The following SLC35D4 variants were observed in gnomAD, a reference collection of about 807,000 sequenced individuals.
SLC35D4 encodes the protein UDP-N-acetylglucosamine transporter SLC35D4.
chr18:23,364,612 A>G, the SLC35D4 span, among the ~76,000 whole-genome samples: 1 of 152,156 alleles, frequency 6.6e-6, no homozygotes, highest in Non-Finnish European at 1.5e-5. Flanking sequence ...ACATTTTAAA[A>G]ATTGACTCCT....
chr18:23,384,420 C>A, the SLC35D4 span, among the ~76,000 whole-genome samples: 2 of 152,048 alleles, frequency 1.3e-5, no homozygotes, highest in Admixed American at 6.6e-5. Flanking sequence ...CTAATTGTTC[C>A]TGATGTGCAG....
chr18:23,312,865 T>C, the SLC35D4 span, among the ~76,000 whole-genome samples: 1 of 152,136 alleles, frequency 6.6e-6, no homozygotes, highest in Non-Finnish European at 1.5e-5. Context: ...CGGTGGCTCA[T>C]GCCTGTAATC....
chr18:23,253,919 G>C, the SLC35D4 span: 1 of 1,614,144 alleles, frequency 6.2e-7, no homozygotes, highest in Middle Eastern at 1.6e-4. Context: ...AAAACACGAA[G>C]TCAAGCATTT....
the SLC35D4 span, among the ~76,000 whole-genome samples, chr18:23,353,327 G>A: frequency 2.0e-5 from 3 of 152,100 alleles, no homozygotes; most frequent in African/African-American, 4.8e-5. Flanking sequence ...ACCTTATACA[G>A]GCACTGGTGC....
the SLC35D4 span, among the ~76,000 whole-genome samples, chr18:23,307,941 C>G: frequency 6.6e-6 from 1 of 152,068 alleles, no homozygotes; most frequent in Non-Finnish European, 1.5e-5. Context: ...CCTGCCTGTC[C>G]CGGTCTGCCC....
chr18:23,354,674 C>T, the SLC35D4 span, among the ~76,000 whole-genome samples: 1 of 152,180 alleles, frequency 6.6e-6, no homozygotes, highest in Non-Finnish European at 1.5e-5. Context: ...TCCCAGACTT[C>T]CTTTCCCTCG....
chr18:23,247,979 C>T, the SLC35D4 span, among the ~76,000 whole-genome samples: 9 of 152,358 alleles, frequency 5.9e-5, no homozygotes, highest in African/African-American at 2.2e-4. Context: ...TGGATTTTTC[C>T]CCGCCTCTCT....
the SLC35D4 span, among the ~76,000 whole-genome samples, chr18:23,382,239 C>CAAAAAAAAAA: frequency 1.3e-5 from 1 of 75,694 alleles, no homozygotes; most frequent in Non-Finnish European, 2.5e-5. Flanking sequence ...GACTCAGTCT[C>CAAAAAAAAAA]AAAAAAAAAA....
At chr18:23,377,555 T>TAA in the SLC35D4 span, 42 of 1,244,738 alleles carry the variant, frequency 3.4e-5, no homozygotes, top group South Asian at 5.3e-4. Context: ...TGCCACCTCT[T>TAA]AGAGTATGAA....
At chr18:23,318,336 C>T in the SLC35D4 span, among the ~76,000 whole-genome samples, 3 of 152,076 alleles carry the variant, frequency 2.0e-5, no homozygotes, top group East Asian at 3.9e-4. Context: ...GATATGAGTC[C>T]CATATCAGAT....
At chr18:23,336,936 T>C in the SLC35D4 span, among the ~76,000 whole-genome samples, 1 of 152,102 alleles carries the variant, frequency 6.6e-6, no homozygotes, top group Non-Finnish European at 1.5e-5. Flanking sequence ...CTGTTCAGCA[T>C]AGACTTGACC....
At chr18:23,261,375 C>T in the SLC35D4 span, among the ~76,000 whole-genome samples, 1 of 152,104 alleles carries the variant, frequency 6.6e-6, no homozygotes, top group Admixed American at 6.5e-5. Flanking sequence ...GTGGCTCACA[C>T]CTGTAATCCC....
the SLC35D4 span, among the ~76,000 whole-genome samples, chr18:23,246,698 T>C: frequency 6.6e-6 from 1 of 151,532 alleles, no homozygotes; most frequent in South Asian, 2.1e-4. Context: ...GCCAGTTTTT[T>C]CGTTTTTGTT....
At chr18:23,297,964 T>C in the SLC35D4 span, 20 of 1,605,404 alleles carry the variant, frequency 1.2e-5, no homozygotes, top group African/African-American at 2.1e-4. Context: ...GTACAAGCTG[T>C]TCTCCCGCAG....
chr18:23,333,183 G>A, the SLC35D4 span, among the ~76,000 whole-genome samples: 2 of 152,238 alleles, frequency 1.3e-5, no homozygotes, highest in Admixed American at 6.5e-5. Flanking sequence ...ATAACCTGAG[G>A]AAAATAATAA....
At chr18:23,256,994 A>C in the SLC35D4 span, among the ~76,000 whole-genome samples, 2 of 152,192 alleles carry the variant, frequency 1.3e-5, no homozygotes, top group East Asian at 3.8e-4. Flanking sequence ...AAATGATGTC[A>C]TAAGATGTAT....
chr18:23,339,481 T>C, the SLC35D4 span, among the ~76,000 whole-genome samples: 1 of 152,240 alleles, frequency 6.6e-6, no homozygotes, highest in Non-Finnish European at 1.5e-5. Context: ...TAGTCTTGAA[T>C]ACCAGATACA....
At chr18:23,288,656 AG>A in the SLC35D4 span, among the ~76,000 whole-genome samples, 6 of 152,182 alleles carry the variant, frequency 3.9e-5, no homozygotes. Flanking sequence ...GGATAGGTAG[AG>A]GCCTTTCCCA....
At chr18:23,254,218 A>G in the SLC35D4 span, among the ~76,000 whole-genome samples, 1 of 152,214 alleles carries the variant, frequency 6.6e-6, no homozygotes. Context: ...CAGCCATAGA[A>G]GCCACTGTAC....
Sources: gnomAD v4.1 joint callset for allele counts (sites outside exome capture counted in the v4.1 genomes callset) on GRCh38, gnomAD v4.1.1 for gene constraint, MANE v1.5 for transcripts, NCBI Gene and HGNC (gene_info 2026-07-23, HGNC 2026-07-21) for gene names.